Variants in PALD1 observed in about 807,000 individuals in gnomAD.
PALD1 encodes paladin.
A neutral mutation model predicts 96.0 loss-of-function variants in PALD1; 57 were observed. That is an observed-to-expected ratio of 0.59 (90% CI 0.48 to 0.74). The LOEUF (loss-of-function observed/expected upper bound fraction) is 0.74, where lower values mean the gene tolerates loss of function less well. Ranked by LOEUF, PALD1 falls within the 30% of genes least tolerant of loss-of-function variation. The pLI, the probability that PALD1 is intolerant of heterozygous loss-of-function variation, is 0.00. For synonymous variants in PALD1, 464 were observed against 473.6 expected (o/e 0.98, Z 0.26); for missense variants, 1,063 against 1,143.7 (o/e 0.93, Z 1.02).
intron 1 of PALD1, among the ~76,000 whole-genome samples, chr10:70,512,137 A>G (rs1377488649): frequency 6.6e-6 from 1 of 152,156 alleles, no homozygotes; most frequent in Non-Finnish European, 1.5e-5. Flanking sequence ...AAATTCCAAC[A>G]TGAGTTTTGG....
At chr10:70,513,161 C>G (rs928299517) in intron 1 of PALD1, among the ~76,000 whole-genome samples, 19 of 152,100 alleles carry the variant, frequency 1.2e-4, no homozygotes, top group Admixed American at 5.2e-4. Flanking sequence ...TTTTTTAACC[C>G]CCATTTTTTT....
At chr10:70,503,788 A>G (rs775916193) in intron 1 of PALD1, among the ~76,000 whole-genome samples, 1 of 152,100 alleles carries the variant, frequency 6.6e-6, no homozygotes, top group African/African-American at 2.4e-5. Flanking sequence ...TTTAACTTTT[A>G]TGTGTTCTGC....
intron 18 of PALD1, among the ~76,000 whole-genome samples, chr10:70,564,016 G>T (rs113677022): frequency 1.3e-5 from 2 of 152,290 alleles, no homozygotes; most frequent in African/African-American, 4.8e-5. Context: ...CGGTCCTGCC[G>T]TGTGGGAGGG....
chr10:70,522,522 C>A (rs1212446667), intron 1 of PALD1, among the ~76,000 whole-genome samples: 1 of 152,180 alleles, frequency 6.6e-6, no homozygotes, highest in Non-Finnish European at 1.5e-5. Flanking sequence ...TTTCCAGATC[C>A]CACTGCAATG....
intron 1 of PALD1, among the ~76,000 whole-genome samples, chr10:70,481,139 A>T (rs1845924338): frequency 6.6e-6 from 1 of 152,238 alleles, no homozygotes; most frequent in Non-Finnish European, 1.5e-5. Flanking sequence ...ACATTCCCAG[A>T]CAAAAGACTC....
At chr10:70,547,199 C>A in intron 17 of PALD1, 107 bp from the exon 18 acceptor site, 1 of 980,292 alleles carries the variant, frequency 1.0e-6, no homozygotes, top group Non-Finnish European at 1.6e-6. Context: ...TGTTCAGCGC[C>A]TGGGCCTTAG....
At chr10:70,521,359 G>A (rs1399368681) in intron 1 of PALD1, among the ~76,000 whole-genome samples, 1 of 152,080 alleles carries the variant, frequency 6.6e-6, no homozygotes, top group Non-Finnish European at 1.5e-5. Context: ...TCTGAAAATG[G>A]ACACAATGAG....
rs752107933 is a variant in PALD1 at position 70,534,774 on chromosome 10, T to C, written c.1158T>C (p.His386=). ...CCATCACTGCCTGTGCCGAGTTGCA[T>C]GACCTGAAAGAAGTGGTCTTGGAAA... The part of the protein sequence containing the change: ...DRAITACAEL[H]DLKEVVLENQ... The change falls in exon 10 of 20, where the codon CAT becomes CAC. Residue 386 remains histidine, a synonymous_variant. Coordinates refer to ENST00000263563, the MANE Select transcript of PALD1 (RefSeq NM_014431.3). 2.5e-6 allele frequency: 4 copies of C among 1,610,224 alleles called. No individual in the cohort carries two copies. The highest frequency in any genetic ancestry group is 3.4e-6 in the Non-Finnish European group (4 of 1,178,008).
At chr10:70,480,406 G>A (rs901026613) in intron 1 of PALD1, among the ~76,000 whole-genome samples, 46 of 152,102 alleles carry the variant, frequency 3.0e-4, no homozygotes, top group African/African-American at 1.1e-3. Flanking sequence ...AGGTCGGGAG[G>A]CTGGCAGGCA....
intron 1 of PALD1, among the ~76,000 whole-genome samples, chr10:70,507,287 C>G (rs1017501757): frequency 6.6e-6 from 1 of 151,710 alleles, no homozygotes; most frequent in African/African-American, 2.4e-5. Flanking sequence ...TGGCGGGTGC[C>G]TATAATCCCA....
At chr10:70,471,030 G>A in the PALD1 span, among the ~76,000 whole-genome samples, 1 of 151,864 alleles carries the variant, frequency 6.6e-6, no homozygotes, top group Non-Finnish European at 1.5e-5. Context: ...ATGTTGGCCA[G>A]GCTGGCTTCA....
At chr10:70,547,687 A>T (rs1479962059) in intron 18 of PALD1, among the ~76,000 whole-genome samples, 1 of 152,188 alleles carries the variant, frequency 6.6e-6, no homozygotes. Flanking sequence ...TGCAGGGGCC[A>T]TGTTCAAAGC....
intron 1 of PALD1, among the ~76,000 whole-genome samples, chr10:70,506,429 T>C (rs1271979292): frequency 6.6e-6 from 1 of 152,146 alleles, no homozygotes; most frequent in Non-Finnish European, 1.5e-5. Context: ...CGCTGGGCCC[T>C]GGGGTCTGTG....
At chr10:70,495,210 G>A (rs1013997819) in intron 1 of PALD1, among the ~76,000 whole-genome samples, 7 of 152,214 alleles carry the variant, frequency 4.6e-5, no homozygotes, top group Non-Finnish European at 8.8e-5. Flanking sequence ...TAGGCCTTCC[G>A]TGACTGTCAT....
chr10:70,508,809 G>GTGTGTA lies in PALD1; in HGVS notation c.-29-17109_-29-17108insATGTGT, dbSNP rs1554855630. On this transcript the variant is annotated intron_variant, in intron 1 of 19. Coordinates refer to ENST00000263563, the MANE Select transcript of PALD1 (RefSeq NM_014431.3). ...CGTGTGTGTGTGTGTGTGTGTGTGT[G>GTGTGTA]TGTGTGTGTGCAGGCCTGTGGGAGC... Among the ~76,000 whole-genome samples the GTGTGTA allele has an allele frequency of 7.7e-3, 879 of 113,808 alleles. 29 individuals carry two copies. The highest frequency in any genetic ancestry group is 0.027 in the African/African-American group (817 of 30,732). The allele number at this position is 113,808 out of a possible 152,430, so 74.7% of individuals were successfully genotyped here. A position where few individuals can be genotyped will look rare whatever the true frequency, so the allele number is the denominator to read the frequency against.
chr10:70,539,209 C>T lies in PALD1; in HGVS notation c.1687C>T (p.Arg563Trp), dbSNP rs765623888. 1.7e-5 allele frequency: 28 copies of T among 1,612,038 alleles called. No homozygotes were observed. The East Asian group carries it at 2.0e-4, about 12-fold the overall frequency. Residue 563 changes from arginine (R) to tryptophan (W), a missense_variant, in exon 14 of 20, where the codon CGG (arginine) becomes TGG (tryptophan). By Grantham distance (101) the Arg-to-Trp change is moderately radical (BLOSUM62 -3). Coordinates refer to ENST00000263563, the MANE Select transcript of PALD1 (RefSeq NM_014431.3). This position sits in a 1 kb window ranked among gnomAD's most constrained non-coding sequence, Gnocchi z 4.5. ...GTGTGACGGGCACACCTACAGCCTG[C>T]GGTGGCCTGGGCCCCCTGTGGCTCC... ...LECDGHTYSL[R>W]WPGPPVAPDQ...
chr10:70,563,009 A>G (rs1250859544), intron 18 of PALD1, among the ~76,000 whole-genome samples: 1 of 152,198 alleles, frequency 6.6e-6, no homozygotes, highest in Non-Finnish European at 1.5e-5. Context: ...GTGGCTCCCC[A>G]GTACTGAAGC....
chr10:70,561,472 G>A (rs1052652295), intron 18 of PALD1, among the ~76,000 whole-genome samples: 4 of 152,186 alleles, frequency 2.6e-5, no homozygotes, highest in South Asian at 2.1e-4. Flanking sequence ...GCATTGTGGC[G>A]CAGACCGTCC....
At chr10:70,479,347 C>T (rs1453976068) in intron 1 of PALD1, among the ~76,000 whole-genome samples, 1 of 152,186 alleles carries the variant, frequency 6.6e-6, no homozygotes, top group African/African-American at 2.4e-5. Flanking sequence ...TTTTCATTGC[C>T]AGACCTGGGA....
Sources: gnomAD v4.1 joint callset for allele counts (sites outside exome capture counted in the v4.1 genomes callset) on GRCh38, gnomAD v4.1.1 for gene constraint, Gnocchi (gnomAD v3.1) non-coding constraint, MANE v1.5 for transcripts, NCBI Gene and HGNC (gene_info 2026-07-23, HGNC 2026-07-21) for gene names.